The following CDH12 variants were observed in gnomAD, a reference collection of about 807,000 sequenced individuals.
CDH12 encodes cadherin 12.
CDH12 carries 41 observed loss-of-function variants against 74.1 expected under a neutral mutation model. The observed-to-expected ratio is 0.55, with a 90% CI of 0.43 to 0.72. CDH12 has a LOEUF of 0.72. Ranked by LOEUF, CDH12 falls within the 30% of genes least tolerant of loss-of-function variation. The probability of loss-of-function intolerance (pLI) is 0.00; values close to 1 mark genes in which losing one functional copy is unlikely to be tolerated. For missense variants in CDH12, 945 were observed against 977.2 expected, an observed-to-expected ratio of 0.97 and a Z score of 0.44; for synonymous variants, 399 against 355.0, an observed-to-expected ratio of 1.12 and a Z score of -1.39.
chr5:22,112,211 G>A (rs942093863), intron 4 of CDH12, among the ~76,000 whole-genome samples: 2 of 151,980 alleles, frequency 1.3e-5, no homozygotes, highest in Non-Finnish European at 2.9e-5. Context: ...TTTCTAAAAA[G>A]CACTCTGATG....
chr5:22,520,996 T>C (rs1169729216), intron 1 of CDH12, among the ~76,000 whole-genome samples: 1 of 151,948 alleles, frequency 6.6e-6, no homozygotes, highest in East Asian at 1.9e-4. Context: ...TCTTTCTTTT[T>C]TTTTTTGTCT....
At chr5:22,377,029 A>G (rs1254352889) in intron 3 of CDH12, among the ~76,000 whole-genome samples, 1 of 152,120 alleles carries the variant, frequency 6.6e-6, no homozygotes, top group Non-Finnish European at 1.5e-5. Flanking sequence ...ACCTTACTGA[A>G]GGCAACAAGC....
chr5:21,938,723 CATATAT>C (rs545475183), intron 6 of CDH12, among the ~76,000 whole-genome samples: 3,099 of 112,042 alleles, frequency 0.028, 244 homozygotes, highest in African/African-American at 0.12. Flanking sequence ...ATATAATATA[CATATAT>C]ATATATATAT....
At chr5:21,864,698 G>A (rs934153129) in intron 6 of CDH12, among the ~76,000 whole-genome samples, 3 of 152,154 alleles carry the variant, frequency 2.0e-5, no homozygotes, top group Admixed American at 6.6e-5. Flanking sequence ...TTGAAACTGC[G>A]TAATGGATGA....
intron 1 of CDH12, among the ~76,000 whole-genome samples, chr5:22,772,908 C>T (rs1746885264): frequency 6.6e-6 from 1 of 151,732 alleles, no homozygotes; most frequent in Admixed American, 6.6e-5. Flanking sequence ...TATACAATAG[C>T]TACAAAAAAA....
intron 4 of CDH12, among the ~76,000 whole-genome samples, chr5:22,175,441 T>G (rs1357707859): frequency 6.6e-6 from 1 of 151,984 alleles, no homozygotes; most frequent in Admixed American, 6.6e-5. Flanking sequence ...AAAGCTAATA[T>G]AAATCTATTT....
chr5:22,764,596 A>G (rs1479781919), intron 1 of CDH12, among the ~76,000 whole-genome samples: 1 of 152,074 alleles, frequency 6.6e-6, no homozygotes, highest in African/African-American at 2.4e-5. Context: ...TTAATTAAAA[A>G]GGGGAATATC....
intron 4 of CDH12, among the ~76,000 whole-genome samples, chr5:22,135,550 G>A (rs988358734): frequency 6.6e-6 from 1 of 152,062 alleles, no homozygotes; most frequent in African/African-American, 2.4e-5. Context: ...GAAATGTAAA[G>A]AGGAATCTCT....
chr5:22,674,199 C>T (rs750073636), intron 1 of CDH12, among the ~76,000 whole-genome samples: 1 of 152,204 alleles, frequency 6.6e-6, no homozygotes, highest in Non-Finnish European at 1.5e-5. Context: ...CCACCCAAAT[C>T]TCATCTTGAA....
At chr5:22,525,215 G>A (rs1737215851) in intron 1 of CDH12, among the ~76,000 whole-genome samples, 1 of 152,054 alleles carries the variant, frequency 6.6e-6, no homozygotes, top group Admixed American at 6.6e-5. Context: ...ATCATTGTTG[G>A]ACATTTGGGT....
At chr5:22,740,703 C>T (rs1358159090) in intron 1 of CDH12, among the ~76,000 whole-genome samples, 2 of 151,962 alleles carry the variant, frequency 1.3e-5, no homozygotes, top group African/African-American at 2.4e-5. Flanking sequence ...TTGATTCCTT[C>T]CATAGATGTT....
intron 5 of CDH12, among the ~76,000 whole-genome samples, chr5:22,047,790 C>T (rs1740064424): frequency 6.6e-6 from 1 of 152,108 alleles, no homozygotes; most frequent in Non-Finnish European, 1.5e-5. Flanking sequence ...TAAAATTACT[C>T]TTATCATTTA....
At chr5:22,785,816 C>T (rs1747595102) in intron 1 of CDH12, among the ~76,000 whole-genome samples, 1 of 152,084 alleles carries the variant, frequency 6.6e-6, no homozygotes, top group Admixed American at 6.6e-5. Context: ...CCATGCCCAG[C>T]CTTATTTCCT....
At chr5:22,358,198 C>T (rs918326389) in intron 3 of CDH12, among the ~76,000 whole-genome samples, 2 of 152,234 alleles carry the variant, frequency 1.3e-5, no homozygotes, top group East Asian at 1.9e-4. Context: ...CCCTTGAGGT[C>T]AGGAGTTCGA....
intron 2 of CDH12, among the ~76,000 whole-genome samples, chr5:22,484,744 T>G (rs531939125): frequency 6.6e-6 from 1 of 152,150 alleles, no homozygotes; most frequent in Non-Finnish European, 1.5e-5. Flanking sequence ...CACATGTGAG[T>G]CTCACAGAAA....
At chr5:22,406,019 T>C (rs996299569) in intron 2 of CDH12, among the ~76,000 whole-genome samples, 2 of 152,200 alleles carry the variant, frequency 1.3e-5, no homozygotes, top group Admixed American at 6.6e-5. Flanking sequence ...TACATATTCA[T>C]TACGGATGCA....
At chr5:22,741,891 GAAC>G (rs1453273987) in intron 1 of CDH12, among the ~76,000 whole-genome samples, 2 of 152,134 alleles carry the variant, frequency 1.3e-5, no homozygotes, top group Non-Finnish European at 2.9e-5. Flanking sequence ...GAAAGCTTAA[GAAC>G]AACAGACGAG....
At chr5:22,172,818 A>C (rs1275016946) in intron 4 of CDH12, among the ~76,000 whole-genome samples, 1 of 151,668 alleles carries the variant, frequency 6.6e-6, no homozygotes, top group African/African-American at 2.4e-5. Flanking sequence ...ATCTATATTA[A>C]TGCAAATTTT....
intron 3 of CDH12, among the ~76,000 whole-genome samples, chr5:22,329,012 A>ACC (rs1739239160): frequency 6.6e-6 from 1 of 152,194 alleles, no homozygotes; most frequent in African/African-American, 2.4e-5. Context: ...GAAAGGCAAA[A>ACC]TAAACAAGAC....
Sources: allele counts gnomAD v4.1 joint callset (sites outside exome capture counted in the v4.1 genomes callset), GRCh38; gene constraint gnomAD v4.1.1; transcripts MANE v1.5; gene names NCBI Gene and HGNC (gene_info 2026-07-23, HGNC 2026-07-21).